The following DGKK variants were observed in gnomAD, a reference collection of about 807,000 sequenced individuals.
DGKK encodes diacylglycerol kinase kappa.
Under a neutral mutation model 92.2 loss-of-function variants are expected in DGKK, and 35 were observed. That is an observed-to-expected ratio of 0.38 (90% CI 0.29 to 0.50). The LOEUF is 0.50. DGKK is among the 20% of genes least tolerant of loss of function. The pLI, the probability that DGKK is intolerant of heterozygous loss-of-function variation, is 0.92. For missense variants in DGKK, 910 were observed against 992.2 expected (o/e 0.92, Z 1.11); for synonymous variants, 368 against 360.6 (o/e 1.02, Z -0.23).
At chrX:50,387,779 C>T in intron 13 of DGKK, 126 bp from the exon 14 acceptor site, 1 of 472,001 alleles carries the variant, frequency 2.1e-6, no homozygotes, top group South Asian at 3.8e-5. Context: ...TTCTCTCACC[C>T]TCTGCTCCCA....
In DGKK at chrX:50,447,341, TATTATATATATATATAA is replaced by T. The variant is rs1264476204; in HGVS notation, c.645+22676_645+22692del. On this transcript the variant is annotated intron_variant, in intron 1 of 27. Coordinates refer to ENST00000611977, the MANE Select transcript of DGKK (RefSeq NM_001013742.4). ...GTGTGTGTATGTATATATATATATA[TATTATATATATATATAA>T]TATATATATATTATATATATATATA... Among the ~76,000 whole-genome samples the T allele has an allele frequency of 1.0e-3, 17 of 16,774 alleles. 1 individual carries two copies. In the East Asian group the frequency reaches 0.032, roughly 31 times the overall value. 14.6% of individuals were successfully genotyped at this position (16,774 alleles called of 115,157 possible). A position where few individuals can be genotyped will look rare whatever the true frequency, so the allele number is the denominator to read the frequency against.
At chrX:50,372,369 G>A (rs4465093) in intron 25 of DGKK, among the ~76,000 whole-genome samples, 36,393 of 111,226 alleles carry the variant, frequency 0.33, 5,374 homozygotes, top group African/African-American at 0.56. Context: ...CTGTTTAACT[G>A]TATAGCCTGC....
chrX:50,427,485 G>C (rs1557229828), intron 1 of DGKK, among the ~76,000 whole-genome samples: 1 of 109,356 alleles, frequency 9.1e-6, no homozygotes, highest in African/African-American at 3.3e-5. Flanking sequence ...CACCAAGAAT[G>C]AACCCTGATG....
At chrX:50,460,624 C>G (rs1926718864) in intron 1 of DGKK, among the ~76,000 whole-genome samples, 1 of 111,655 alleles carries the variant, frequency 9.0e-6, no homozygotes. Context: ...CTCTGAAGTG[C>G]TACTGACCAG....
intron 1 of DGKK, among the ~76,000 whole-genome samples, chrX:50,460,145 G>C (rs1926708093): frequency 8.9e-6 from 1 of 111,930 alleles, no homozygotes; most frequent in African/African-American, 3.2e-5. Context: ...AGGACAGTGA[G>C]GGCTCAACTG....
At chrX:50,421,956 A>T (rs781903905) in intron 3 of DGKK, among the ~76,000 whole-genome samples, 2 of 111,815 alleles carry the variant, frequency 1.8e-5, no homozygotes, top group South Asian at 7.6e-4. Flanking sequence ...GCCATGTGAC[A>T]TTTCAGTCAC....
rs1358082056 is a variant in DGKK at position 50,470,247 on chromosome X, T to A, written c.432A>T (p.Glu144Asp). 28 of 1,208,250 alleles carry A rather than the reference T, an allele frequency of 2.3e-5. No homozygotes were observed. Among genetic ancestry groups the A allele is most frequent in the Non-Finnish European group, 2.8e-5 (25 of 894,394 alleles). ...GCTCTGGGGCCAGCTCTGGGGCAAC[T>A]TCTGGAGTCAGCTCTGGGGCCGGCT... The part of the protein sequence containing the change: ...VPEPAPELTP[E>D]VAPELAPEPT... Residue 144 changes from glutamate (E) to aspartate (D), a missense_variant, in exon 1 of 28, where the codon GAA becomes GAT. Transcript: ENST00000611977.
intron 1 of DGKK, among the ~76,000 whole-genome samples, chrX:50,430,122 C>T (rs1391792081): frequency 1.8e-5 from 2 of 112,082 alleles, no homozygotes; most frequent in Non-Finnish European, 3.8e-5. Context: ...GTCAGAAGAA[C>T]GCATCTCTGA....
intron 3 of DGKK, 41 bp downstream of exon 3, chrX:50,422,405 C>T: frequency 9.3e-7 from 1 of 1,072,660 alleles, no homozygotes; most frequent in Non-Finnish European, 1.3e-6. Flanking sequence ...TCCCAGCTAG[C>T]CCCTACCCCT....
At chrX:50,421,838 G>A (rs1925596623) in intron 3 of DGKK, among the ~76,000 whole-genome samples, 1 of 111,873 alleles carries the variant, frequency 8.9e-6, no homozygotes, top group African/African-American at 3.3e-5. Flanking sequence ...CCACCACTGA[G>A]GCTGGGAGAA....
At chrX:50,397,248 C>A (rs1157364923) in intron 8 of DGKK, among the ~76,000 whole-genome samples, 1 of 111,814 alleles carries the variant, frequency 8.9e-6, no homozygotes, top group Non-Finnish European at 1.9e-5. Flanking sequence ...AACCATAGTG[C>A]CCTAAACAGG....
chrX:50,403,447 G>T lies in DGKK; in HGVS notation c.1185+44C>A, dbSNP rs782520677. 5.1e-5 allele frequency: 56 copies of T among 1,107,182 alleles called. No individual in the cohort carries two copies. In the South Asian group the frequency reaches 9.6e-4, roughly 19 times the overall value. 91.2% of individuals were successfully genotyped at this position (1,107,182 alleles called of 1,213,427 possible). On this transcript the variant is annotated intron_variant, in intron 6 of 27. Coordinates refer to ENST00000611977, the MANE Select transcript of DGKK (RefSeq NM_001013742.4). ...CCCCCTGTGTATCCTGGTTGAAGGG[G>T]ACATGGGAGAGGCCGACTGTGGGAA...
intron 1 of DGKK, among the ~76,000 whole-genome samples, chrX:50,428,955 C>T (rs2147139427): frequency 8.9e-6 from 1 of 112,137 alleles, no homozygotes; most frequent in African/African-American, 3.2e-5. Context: ...AAACTATGTG[C>T]ATGTAAAACA....
chrX:50,369,111 T>TCTTC, intron 27 of DGKK, 92 bp from the exon 28 acceptor site: 1 of 660,872 alleles, frequency 1.5e-6, no homozygotes, highest in Non-Finnish European at 2.3e-6. Context: ...AAAAAGTCTG[T>TCTTC]TAGAAGATAG....
chrX:50,445,488 C>T (rs930396168), intron 1 of DGKK, among the ~76,000 whole-genome samples: 1 of 111,087 alleles, frequency 9.0e-6, no homozygotes, highest in Admixed American at 9.6e-5. Context: ...CAGTTTCAAT[C>T]TTCTGCATAT....
At chrX:50,402,031 C>T (rs1415626370) in intron 7 of DGKK, among the ~76,000 whole-genome samples, 2 of 111,405 alleles carry the variant, frequency 1.8e-5, no homozygotes, top group Admixed American at 9.5e-5. Flanking sequence ...AAAATGTCTC[C>T]ACACACTGAC....
At chrX:50,408,560 T>G (rs1477501308) in intron 4 of DGKK, among the ~76,000 whole-genome samples, 2 of 109,699 alleles carry the variant, frequency 1.8e-5, no homozygotes, top group East Asian at 5.8e-4. Context: ...TTTTTTTGTA[T>G]TTTTAGTAGA....
chrX:50,376,233 G>A (rs1602266503), intron 23 of DGKK, 68 bp from the exon 24 acceptor site: 2 of 1,126,031 alleles, frequency 1.8e-6, no homozygotes, highest in Non-Finnish European at 2.4e-6. Context: ...GGGCACTGGT[G>A]AGGGTTTGGG....
At chrX:50,442,061 C>A (rs1389779212) in intron 1 of DGKK, among the ~76,000 whole-genome samples, 1 of 110,887 alleles carries the variant, frequency 9.0e-6, no homozygotes, top group Non-Finnish European at 1.9e-5. Context: ...TCAGAATGCT[C>A]AATTAATTTC....
Sources: gnomAD v4.1 joint callset for allele counts (sites outside exome capture counted in the v4.1 genomes callset) on GRCh38, gnomAD v4.1.1 for gene constraint, MANE v1.5 for transcripts, NCBI Gene and HGNC (gene_info 2026-07-23, HGNC 2026-07-21) for gene names.